The following NREP variants were observed in gnomAD, a reference collection of about 807,000 sequenced individuals.
NREP encodes neuronal regeneration related protein.
NREP carries 5 observed loss-of-function variants against 8.6 expected under a neutral mutation model. The ratio of observed to expected loss-of-function variants is 0.58; its 90% CI spans 0.30 to 1.22. The LOEUF (loss-of-function observed/expected upper bound fraction) is 1.22. Among genes scored for constraint, NREP ranks in the 50% most tolerant of loss-of-function variants. The pLI, the probability that NREP is intolerant of heterozygous loss-of-function variation, is 0.07. For missense variants in NREP, 86 were observed against 82.5 expected (o/e 1.04, Z -0.17); for synonymous variants, 27 against 28.0 (o/e 0.96, Z 0.11).
chr5:111,770,505 C>A (rs10041764), intron 2 of NREP, among the ~76,000 whole-genome samples: 97,268 of 149,880 alleles, frequency 0.65, 31,550 homozygotes, highest in Admixed American at 0.67. Flanking sequence ...TGCTAACATG[C>A]CTACAGTTTA....
intron 2 of NREP, among the ~76,000 whole-genome samples, chr5:111,813,689 A>T (rs1752318397): frequency 6.6e-6 from 1 of 152,172 alleles, no homozygotes; most frequent in South Asian, 2.1e-4. Flanking sequence ...TCTGAAAGGA[A>T]CTGGTTGTTA....
chr5:111,751,661 T>C (rs1439266566), intron 2 of NREP, among the ~76,000 whole-genome samples: 1 of 152,208 alleles, frequency 6.6e-6, no homozygotes, highest in Non-Finnish European at 1.5e-5. Context: ...ATATTCAAAT[T>C]GGATTTGCTG....
chr5:111,870,754 T>C (rs895730438), intron 2 of NREP, among the ~76,000 whole-genome samples: 3 of 152,016 alleles, frequency 2.0e-5, no homozygotes, highest in African/African-American at 7.2e-5. Flanking sequence ...AAATGCCACA[T>C]GAAGATGGAG....
chr5:111,941,088 G>A (rs1051815110), intron 2 of NREP, among the ~76,000 whole-genome samples: 16 of 151,948 alleles, frequency 1.1e-4, no homozygotes, highest in African/African-American at 3.9e-4. Flanking sequence ...AATAACTATG[G>A]GATCCCAGAA....
chr5:111,774,503 A>G (rs1278455719), intron 2 of NREP, among the ~76,000 whole-genome samples: 1 of 152,004 alleles, frequency 6.6e-6, no homozygotes, highest in East Asian at 1.9e-4. Flanking sequence ...AAAACATAGA[A>G]CCTCCCTTCA....
intron 2 of NREP, among the ~76,000 whole-genome samples, chr5:111,881,899 T>G (rs529153657): frequency 1.2e-4 from 18 of 152,122 alleles, no homozygotes; most frequent in African/African-American, 4.1e-4. Context: ...GCAGAAAAAC[T>G]GGAAACTCTA....
chr5:111,952,745 T>C (rs1194618598), intron 2 of NREP, among the ~76,000 whole-genome samples: 2 of 152,134 alleles, frequency 1.3e-5, no homozygotes, highest in Non-Finnish European at 2.9e-5. Flanking sequence ...TTGGTTGGAT[T>C]GTATCAATGT....
chr5:111,789,165 ATGTGTATGCC>A (rs1235258046), intron 2 of NREP, among the ~76,000 whole-genome samples: 2 of 152,182 alleles, frequency 1.3e-5, no homozygotes, highest in African/African-American at 2.4e-5. Context: ...ATACACATAT[ATGTGTATGCC>A]TGTGTATGCA....
intron 2 of NREP, among the ~76,000 whole-genome samples, chr5:111,898,152 T>C (rs961270773): frequency 2.0e-5 from 3 of 152,188 alleles, no homozygotes; most frequent in Non-Finnish European, 4.4e-5. Flanking sequence ...AGCAGAGCAG[T>C]GGCGTAATCT....
intron 2 of NREP, among the ~76,000 whole-genome samples, chr5:111,847,112 C>CTT (rs568810532): frequency 2.8e-5 from 4 of 144,724 alleles, no homozygotes; most frequent in African/African-American, 5.0e-5. Flanking sequence ...ACATGACACA[C>CTT]TTTTTTTTTT....
intron 2 of NREP, among the ~76,000 whole-genome samples, chr5:111,741,043 T>C (rs567413871): frequency 3.7e-4 from 57 of 152,314 alleles, no homozygotes; most frequent in African/African-American, 1.4e-3. Context: ...TGAAGATATG[T>C]TGCATGGTTT....
chr5:111,801,005 T>A (rs576839984), intron 2 of NREP, among the ~76,000 whole-genome samples: 2 of 152,176 alleles, frequency 1.3e-5, no homozygotes, highest in East Asian at 1.9e-4. Context: ...AACTTCTATA[T>A]ATTTATGACA....
At chr5:111,793,482 C>T (rs1022206755) in intron 2 of NREP, among the ~76,000 whole-genome samples, 13 of 152,060 alleles carry the variant, frequency 8.5e-5, no homozygotes, top group African/African-American at 2.7e-4. Context: ...TTCACCCTTC[C>T]TCTGCCTTTT....
chr5:111,842,812 T>A lies in NREP; in HGVS notation c.136-107305A>T, dbSNP rs186281540. Among the ~76,000 whole-genome samples the A allele has an allele frequency of 1.8e-3, 279 of 152,340 alleles. 2 individuals carry two copies. The highest frequency in any genetic ancestry group is 6.4e-3 in the African/African-American group (268 of 41,586). Reference sequence around the variant, plus strand: ...TTCTGAGAAAGTCGTTATCTCTCACTCCTTCATTGCTGAAGAACAAGTTTG... The same window carrying A: ...TTCTGAGAAAGTCGTTATCTCTCACACCTTCATTGCTGAAGAACAAGTTTG... On this transcript the variant is annotated intron_variant, in intron 2 of 3. Coordinates refer to the NREP transcript ENST00000395634.
chr5:111,975,402 A>C, intron 1 of NREP: 1 of 1,529,910 alleles, frequency 6.5e-7, no homozygotes, highest in Non-Finnish European at 8.9e-7. Flanking sequence ...ACATGGTAGA[A>C]AACGTGAGCA....
At chr5:111,751,013 G>C (rs1472167794) in intron 2 of NREP, among the ~76,000 whole-genome samples, 1 of 152,110 alleles carries the variant, frequency 6.6e-6, no homozygotes, top group Non-Finnish European at 1.5e-5. Context: ...TTAAAAAAGA[G>C]GTTAAGGATA....
intron 2 of NREP, among the ~76,000 whole-genome samples, chr5:111,784,045 TA>T (rs2112886228): frequency 6.6e-6 from 1 of 152,278 alleles, no homozygotes; most frequent in African/African-American, 2.4e-5. Flanking sequence ...TCAGTTGATA[TA>T]TATGTGGGGT....
intron 2 of NREP, among the ~76,000 whole-genome samples, chr5:111,885,928 TA>T (rs1339456162): frequency 1.3e-5 from 2 of 152,100 alleles, no homozygotes; most frequent in African/African-American, 4.8e-5. Flanking sequence ...ACTTCATGTC[TA>T]AAACACCAAA....
intron 2 of NREP, among the ~76,000 whole-genome samples, chr5:111,866,825 A>C (rs1350368872): frequency 1.3e-5 from 2 of 152,064 alleles, no homozygotes; most frequent in Non-Finnish European, 2.9e-5. Flanking sequence ...ATAAAAAATG[A>C]TGAGTTCATG....
Sources: allele counts gnomAD v4.1 joint callset (sites outside exome capture counted in the v4.1 genomes callset), GRCh38; gene constraint gnomAD v4.1.1; transcripts MANE v1.5; gene names NCBI Gene and HGNC (gene_info 2026-07-23, HGNC 2026-07-21).